The following IRAK2 variants were observed in gnomAD, a reference collection of about 807,000 sequenced individuals.
IRAK2 encodes interleukin 1 receptor associated kinase 2.
A neutral mutation model predicts 72.0 loss-of-function variants in IRAK2; 57 were observed. The observed-to-expected ratio is 0.79, with a 90% CI of 0.64 to 0.99. The LOEUF is 0.99. Ranked by LOEUF, IRAK2 falls within the 50% of genes least tolerant of loss-of-function variation. The probability of loss-of-function intolerance (pLI) is 0.00; values close to 1 mark genes in which losing one functional copy is unlikely to be tolerated. For missense variants in IRAK2, 790 were observed against 794.4 expected, an observed-to-expected ratio of 0.99 and a Z score of 0.07; for synonymous variants, 293 against 312.7, an observed-to-expected ratio of 0.94 and a Z score of 0.67.
In IRAK2 at chr3:10,213,354, A is replaced by T. The variant is rs1559448756; in HGVS notation, c.676A>T (p.Arg226Ter). Reference sequence around the variant, plus strand: ...CCAGGGGACCTTTGCTGACGTCTACAGAGGGCACAGGCACGGGAAGCCATT... The same window carrying T: ...CCAGGGGACCTTTGCTGACGTCTACTGAGGGCACAGGCACGGGAAGCCATT... ...ISQGTFADVY[R>*]GHRHGKPFVF... is the part of the protein sequence containing the mutation. The change falls in exon 5 of 13, where the codon AGA (arginine) becomes TGA (stop). Residue 226 changes from arginine to a stop codon, truncating the protein, a stop_gained. Coordinates refer to ENST00000256458, the MANE Select transcript of IRAK2 (RefSeq NM_001570.4). LOFTEE classifies it high-confidence loss of function. 6.2e-7 allele frequency: 1 copy of T among 1,614,138 alleles called. No individual in the cohort carries two copies. Among genetic ancestry groups the T allele is most frequent in the East Asian group, 2.2e-5 (1 of 44,876 alleles).
At chr3:10,167,061 C>A (rs1326349593) in intron 1 of IRAK2, among the ~76,000 whole-genome samples, 1 of 151,848 alleles carries the variant, frequency 6.6e-6, no homozygotes, top group Non-Finnish European at 1.5e-5. Context: ...ACTTCTGTTT[C>A]TAGGAAATTC....
intron 2 of IRAK2, among the ~76,000 whole-genome samples, chr3:10,187,143 A>G (rs1395825805): frequency 6.6e-6 from 1 of 150,926 alleles, no homozygotes; most frequent in Non-Finnish European, 1.5e-5. Flanking sequence ...GGGTGACTCC[A>G]ACTGTTATCA....
chr3:10,167,524 C>T (rs1010958040), intron 1 of IRAK2, among the ~76,000 whole-genome samples: 2 of 151,958 alleles, frequency 1.3e-5, no homozygotes, highest in Admixed American at 1.3e-4. Flanking sequence ...ATGCCATTCT[C>T]CTGCTTCAGC....
intron 2 of IRAK2, among the ~76,000 whole-genome samples, chr3:10,189,427 G>A (rs1205653915): frequency 6.6e-6 from 1 of 152,220 alleles, no homozygotes; most frequent in South Asian, 2.1e-4. Context: ...GCTTCCACCT[G>A]GGAGTATCCC....
chr3:10,182,572 C>T (rs1349462803), intron 2 of IRAK2, among the ~76,000 whole-genome samples: 24 of 151,706 alleles, frequency 1.6e-4, no homozygotes, highest in Admixed American at 1.2e-3. Flanking sequence ...TGAGCCACTG[C>T]GCCCGGCCTT....
intron 2 of IRAK2, among the ~76,000 whole-genome samples, chr3:10,191,516 T>C (rs1697175978): frequency 6.6e-6 from 1 of 152,174 alleles, no homozygotes; most frequent in South Asian, 2.1e-4. Flanking sequence ...CTCTACCACT[T>C]TCCCCCTCAG....
chr3:10,181,698 CA>C (rs1198609783), intron 2 of IRAK2, among the ~76,000 whole-genome samples: 2 of 152,174 alleles, frequency 1.3e-5, no homozygotes, highest in Non-Finnish European at 2.9e-5. Flanking sequence ...GAAGACTCTA[CA>C]AAAACCACAA....
chr3:10,240,029 C>T (rs1422353954), intron 12 of IRAK2, among the ~76,000 whole-genome samples: 1 of 151,900 alleles, frequency 6.6e-6, no homozygotes, highest in East Asian at 1.9e-4. Context: ...TGCCTGTAGT[C>T]CCAGCTACTT....
Position 10,217,011 on chromosome 3 carries a change from T to G in IRAK2, c.866T>G (p.Met289Arg). Residue 289 changes from methionine to arginine, a missense_variant, in exon 7 of 13, where the codon ATG becomes AGG. Transcript: ENST00000256458. Reference sequence around the variant, plus strand: ...TTTCACAGCTTCATCTACCCCTACATGGCAAATGGTTCCCTACAGGACAGA... The same window carrying G: ...TTTCACAGCTTCATCTACCCCTACAGGGCAAATGGTTCCCTACAGGACAGA... ...RQFHSFIYPY[M>R]ANGSLQDRLQ... 2 of 1,614,060 alleles carry G rather than the reference T, an allele frequency of 1.2e-6. No homozygotes were observed. The highest frequency in any genetic ancestry group is 2.7e-5 in the African/African-American group (2 of 75,016).
At chr3:10,190,449 G>T (rs1218273193) in intron 2 of IRAK2, among the ~76,000 whole-genome samples, 1 of 151,432 alleles carries the variant, frequency 6.6e-6, no homozygotes, top group Non-Finnish European at 1.5e-5. Context: ...CCCAGCTAGA[G>T]GTTTTCTTAA....
intron 7 of IRAK2, among the ~76,000 whole-genome samples, chr3:10,218,652 C>G (rs1276167485): frequency 6.6e-6 from 1 of 152,098 alleles, no homozygotes; most frequent in Non-Finnish European, 1.5e-5. Flanking sequence ...GAGAGAAATT[C>G]CAGAGCAGCC....
intron 2 of IRAK2, among the ~76,000 whole-genome samples, chr3:10,187,473 A>C (rs1697095094): frequency 6.6e-6 from 1 of 152,162 alleles, no homozygotes; most frequent in Non-Finnish European, 1.5e-5. Context: ...AGAGTACTAC[A>C]TGCACAGGGC....
At chr3:10,231,901 C>T (rs1410149459) in intron 10 of IRAK2, among the ~76,000 whole-genome samples, 4 of 151,894 alleles carry the variant, frequency 2.6e-5, no homozygotes, top group Non-Finnish European at 5.9e-5. Flanking sequence ...CTGAGGCAGG[C>T]GGATCACAAG....
chr3:10,172,192 A>G (rs1197378388), intron 1 of IRAK2, among the ~76,000 whole-genome samples: 1 of 151,098 alleles, frequency 6.6e-6, no homozygotes, highest in African/African-American at 2.4e-5. Context: ...AACACAGTGA[A>G]ACCCCGTTTC....
At chr3:10,196,814 A>G (rs1697275070) in intron 2 of IRAK2, among the ~76,000 whole-genome samples, 1 of 152,138 alleles carries the variant, frequency 6.6e-6, no homozygotes, top group African/African-American at 2.4e-5. Flanking sequence ...ACGTATCAAT[A>G]CACAACGTGG....
chr3:10,203,256 C>T (rs558154694), intron 3 of IRAK2, among the ~76,000 whole-genome samples: 1 of 152,300 alleles, frequency 6.6e-6, no homozygotes, highest in East Asian at 1.9e-4. Flanking sequence ...CTTGGCCTCC[C>T]AAAGTGCTGG....
At chr3:10,239,248 C>G (rs1011958102) in intron 12 of IRAK2, among the ~76,000 whole-genome samples, 3 of 152,222 alleles carry the variant, frequency 2.0e-5, no homozygotes, top group Non-Finnish European at 4.4e-5. Flanking sequence ...TCACCCAGTC[C>G]TGTCCATTGG....
chr3:10,191,786 C>T (rs1163412256), intron 2 of IRAK2, among the ~76,000 whole-genome samples: 1 of 152,178 alleles, frequency 6.6e-6, no homozygotes, highest in Non-Finnish European at 1.5e-5. Flanking sequence ...GCATAGAGCA[C>T]CTCCCAGTTT....
chr3:10,172,944 G>A (rs1403731491), intron 1 of IRAK2, among the ~76,000 whole-genome samples: 1 of 151,482 alleles, frequency 6.6e-6, no homozygotes, highest in Admixed American at 6.6e-5. Flanking sequence ...CTCCCAAAGT[G>A]CTGGGATTAC....
Sources: gnomAD v4.1 joint callset for allele counts (sites outside exome capture counted in the v4.1 genomes callset) on GRCh38, gnomAD v4.1.1 for gene constraint, MANE v1.5 for transcripts, NCBI Gene and HGNC (gene_info 2026-07-23, HGNC 2026-07-21) for gene names.